Variants in PPP3CC observed in about 807,000 individuals in gnomAD.
PPP3CC encodes the protein protein phosphatase 3 catalytic subunit gamma, also known as serine/threonine-protein phosphatase 2B catalytic subunit gamma isoform.
PPP3CC carries 35 observed loss-of-function variants against 60.3 expected under a neutral mutation model. The ratio of observed to expected loss-of-function variants is 0.58; its 90% CI spans 0.44 to 0.77. The LOEUF is 0.77. PPP3CC is among the 30% of genes least tolerant of loss of function. PPP3CC has a pLI of 0.00. For synonymous variants in PPP3CC, 206 were observed against 224.3 expected (o/e 0.92, Z 0.73); for missense variants, 570 against 628.9 (o/e 0.91, Z 1.00).
At chr8:22,521,750 A>G (rs1218640366) in intron 6 of PPP3CC, among the ~76,000 whole-genome samples, 3 of 152,206 alleles carry the variant, frequency 2.0e-5, no homozygotes, top group Admixed American at 6.5e-5. Context: ...TTAATTTTGT[A>G]TACTCCAGTT....
intron 1 of PPP3CC, among the ~76,000 whole-genome samples, chr8:22,462,822 A>C (rs906704774): frequency 2.6e-5 from 4 of 152,134 alleles, no homozygotes; most frequent in African/African-American, 9.7e-5. Context: ...TAATTTGTTG[A>C]ATCAGCTGGT....
At chr8:22,453,893 A>G (rs548107349) in intron 1 of PPP3CC, among the ~76,000 whole-genome samples, 2 of 152,336 alleles carry the variant, frequency 1.3e-5, no homozygotes, top group South Asian at 4.1e-4. Context: ...GGCACTTAAC[A>G]TGAATAGGGC....
At chr8:22,507,079 A>G (rs999064692) in intron 4 of PPP3CC, among the ~76,000 whole-genome samples, 5 of 152,136 alleles carry the variant, frequency 3.3e-5, no homozygotes, top group Non-Finnish European at 5.9e-5. Context: ...TGATAATGCC[A>G]CTGCATTCCA....
intron 8 of PPP3CC, among the ~76,000 whole-genome samples, chr8:22,526,075 C>T (rs1173167756): frequency 6.6e-6 from 1 of 151,922 alleles, no homozygotes; most frequent in Non-Finnish European, 1.5e-5. Context: ...ACCATGTTGC[C>T]CAGGCTGGTC....
At chr8:22,508,999 C>T (rs1839004977) in intron 4 of PPP3CC, among the ~76,000 whole-genome samples, 1 of 152,198 alleles carries the variant, frequency 6.6e-6, no homozygotes. Flanking sequence ...GCTACAACAG[C>T]AATACAAAAT....
intron 1 of PPP3CC, among the ~76,000 whole-genome samples, chr8:22,469,895 G>A (rs1837663123): frequency 6.6e-6 from 1 of 151,620 alleles, no homozygotes; most frequent in African/African-American, 2.4e-5. Context: ...GGGGTAATTT[G>A]TTACATGGCA....
intron 12 of PPP3CC, among the ~76,000 whole-genome samples, chr8:22,536,884 G>A (rs1219666638): frequency 2.6e-5 from 4 of 152,126 alleles, no homozygotes; most frequent in Non-Finnish European, 4.4e-5. Flanking sequence ...AGGGATTGGC[G>A]TGAGTTACAG....
At chr8:22,483,138 T>C (rs1435325598) in intron 3 of PPP3CC, among the ~76,000 whole-genome samples, 1 of 152,170 alleles carries the variant, frequency 6.6e-6, no homozygotes, top group Admixed American at 6.5e-5. Context: ...CCTCTTGCAG[T>C]TTTACTAAGA....
At chr8:22,453,189 T>C (rs1837087109) in intron 1 of PPP3CC, among the ~76,000 whole-genome samples, 1 of 152,240 alleles carries the variant, frequency 6.6e-6, no homozygotes, top group Non-Finnish European at 1.5e-5. Flanking sequence ...GTAAAGTGCT[T>C]AGCATAATGC....
chr8:22,459,455 ATGTG>A (rs56870564), intron 1 of PPP3CC, among the ~76,000 whole-genome samples: 4 of 150,138 alleles, frequency 2.7e-5, no homozygotes, highest in South Asian at 2.1e-4. Flanking sequence ...TCACTTTGTT[ATGTG>A]TGTGTGTGTG....
At chr8:22,481,624 A>G (rs1838072524) in intron 3 of PPP3CC, among the ~76,000 whole-genome samples, 2 of 151,410 alleles carry the variant, frequency 1.3e-5, no homozygotes, top group Admixed American at 1.3e-4. Context: ...TACATGTGCC[A>G]TGGTGGTTTG....
intron 1 of PPP3CC, among the ~76,000 whole-genome samples, chr8:22,447,052 G>C (rs185513451): frequency 2.0e-5 from 3 of 152,044 alleles, no homozygotes; most frequent in African/African-American, 7.2e-5. Flanking sequence ...CTGTTGCCCA[G>C]GCTGGAGTAC....
chr8:22,456,981 TTTCC>T (rs1475731694), intron 1 of PPP3CC, among the ~76,000 whole-genome samples: 1 of 127,554 alleles, frequency 7.8e-6, no homozygotes, highest in East Asian at 2.6e-4. Flanking sequence ...CTGTGATTTA[TTTCC>T]TCCCTCCCTC....
intron 3 of PPP3CC, among the ~76,000 whole-genome samples, chr8:22,485,743 C>T (rs1236148624): frequency 2.0e-5 from 3 of 152,052 alleles, no homozygotes; most frequent in African/African-American, 4.8e-5. Flanking sequence ...GAAAGAATTG[C>T]AATTTAGAGC....
At chr8:22,480,529 A>G (rs1838030476) in intron 3 of PPP3CC, among the ~76,000 whole-genome samples, 2 of 152,158 alleles carry the variant, frequency 1.3e-5, no homozygotes, top group Admixed American at 6.6e-5. Context: ...CCCAGGCTGG[A>G]GTGCAGTGGT....
In PPP3CC at chr8:22,539,502, T is replaced by C; in HGVS notation, c.1351+4T>C. ...GAAGCGGTAGAGGCCCGGGAAGGTATGGCCATATTACTCTGATAGATGTGA... is the reference window on the plus strand; with the variant it reads ...GAAGCGGTAGAGGCCCGGGAAGGTACGGCCATATTACTCTGATAGATGTGA... On this transcript the variant is annotated splice_donor_region_variant and intron_variant, in intron 13 of 13. Coordinates refer to ENST00000240139, the MANE Select transcript of PPP3CC (RefSeq NM_005605.5). 6.2e-7 allele frequency: 1 copy of C among 1,613,864 alleles called. No individual in the cohort carries two copies. Among genetic ancestry groups the C allele is most frequent in the Non-Finnish European group, 8.5e-7 (1 of 1,179,860 alleles).
chr8:22,497,227 C>T (rs1838616522), intron 3 of PPP3CC, among the ~76,000 whole-genome samples: 3 of 152,098 alleles, frequency 2.0e-5, no homozygotes, highest in South Asian at 4.1e-4. Context: ...CGGGGTTTCT[C>T]CATTTTGGTC....
intron 1 of PPP3CC, among the ~76,000 whole-genome samples, chr8:22,470,172 A>T (rs966540000): frequency 6.6e-6 from 1 of 151,826 alleles, no homozygotes; most frequent in Non-Finnish European, 1.5e-5. Flanking sequence ...CCCAGGCTAG[A>T]GTACAGTGGC....
At chr8:22,503,426 G>A (rs1421762423) in intron 4 of PPP3CC, among the ~76,000 whole-genome samples, 4 of 152,164 alleles carry the variant, frequency 2.6e-5, no homozygotes, top group Admixed American at 6.5e-5. Flanking sequence ...GAGTAGATAC[G>A]TAGTGAAGAA....
Sources: allele counts gnomAD v4.1 joint callset (sites outside exome capture counted in the v4.1 genomes callset), GRCh38; gene constraint gnomAD v4.1.1; transcripts MANE v1.5; gene names NCBI Gene and HGNC (gene_info 2026-07-23, HGNC 2026-07-21).